Variants in CABP1 observed in about 807,000 individuals in gnomAD.
CABP1 encodes calcium-binding protein 1.
CABP1 carries 17 observed loss-of-function variants against 34.3 expected under a neutral mutation model. The ratio of observed to expected loss-of-function variants is 0.50; its 90% CI spans 0.34 to 0.74. The LOEUF (loss-of-function observed/expected upper bound fraction) is 0.74. CABP1 is among the 30% of genes least tolerant of loss of function. The pLI is 0.01. For synonymous variants in CABP1, 198 were observed against 229.2 expected (o/e 0.86, Z 1.23); for missense variants, 373 against 511.1 (o/e 0.73, Z 2.61).
chr12:120,650,992 T>G (rs892222575), intron 1 of CABP1, among the ~76,000 whole-genome samples: 9 of 152,050 alleles, frequency 5.9e-5, no homozygotes, highest in African/African-American at 2.2e-4. Context: ...TCAGTGAACT[T>G]GACTGGCACC....
rs1456921865 is a variant in CABP1 at position 120,660,647 on chromosome 12, G to A, written c.830-84G>A. 1.1e-6 allele frequency: 1 copy of A among 925,016 alleles called. No individual in the cohort carries two copies. Among genetic ancestry groups the A allele is most frequent in the Non-Finnish European group, 1.8e-6 (1 of 558,670 alleles). 57.3% of individuals were successfully genotyped at this position (925,016 alleles called of 1,614,324 possible). ...CTCTATCTGATGAGCAGGTCAAGGA[G>A]GGGTTGTCCATTCTGTCAGTTGTCT... is the stretch of plus-strand genomic sequence containing the variant. On this transcript the variant is annotated intron_variant, in intron 3 of 5. Coordinates refer to ENST00000316803, the MANE Select transcript of CABP1 (RefSeq NM_001033677.2). This position sits in a 1 kb window ranked among gnomAD's most constrained non-coding sequence, Gnocchi z 5.0.
At chr12:120,653,696 G>C (rs1014611487) in intron 1 of CABP1, among the ~76,000 whole-genome samples, 5 of 152,126 alleles carry the variant, frequency 3.3e-5, no homozygotes, top group African/African-American at 1.2e-4. Flanking sequence ...ACCACACGCG[G>C]CTAATTTTTG....
At chr12:120,669,519 G>A (rs1881177860), downstream of CABP1, among the ~76,000 whole-genome samples, 4 of 152,304 alleles carry the variant, frequency 2.6e-5, no homozygotes, top group South Asian at 8.3e-4. Flanking sequence ...GGACTTCTTT[G>A]TCCCCAGTGT....
At chr12:120,674,652 G>T in the CABP1 span, among the ~76,000 whole-genome samples, 1 of 152,158 alleles carries the variant, frequency 6.6e-6, no homozygotes, top group Admixed American at 6.5e-5. Flanking sequence ...ACTTTGGGAG[G>T]CCAAGGCGGG....
At chr12:120,680,596 G>A in the CABP1 span, among the ~76,000 whole-genome samples, 1 of 152,174 alleles carries the variant, frequency 6.6e-6, no homozygotes, top group East Asian at 1.9e-4. Flanking sequence ...ATTCCTCATT[G>A]TCTACAGAGA....
chr12:120,647,080 A>T lies in CABP1; in HGVS notation c.654+5741A>T, dbSNP rs554173352. Among the ~76,000 whole-genome samples, 6 of 152,326 alleles carry T rather than the reference A, an allele frequency of 3.9e-5. No individual in the cohort carries two copies. In the South Asian group the frequency reaches 1.2e-3, roughly 32 times the overall value. On this transcript the variant is annotated intron_variant, in intron 1 of 5. Transcript: ENST00000316803. Reference sequence around the variant, plus strand: ...ACGACAGAGGCATATCCCAAGGTCGACAAGTGGGTGCTATGCCCGGACTGG... The same window carrying T: ...ACGACAGAGGCATATCCCAAGGTCGTCAAGTGGGTGCTATGCCCGGACTGG...
chr12:120,675,790 T>C, the CABP1 span, among the ~76,000 whole-genome samples: 1 of 152,162 alleles, frequency 6.6e-6, no homozygotes, highest in African/African-American at 2.4e-5. Context: ...TGATTTATTG[T>C]ATCAGGCAGG....
intron 1 of CABP1, among the ~76,000 whole-genome samples, chr12:120,645,339 T>A (rs1879499228): frequency 6.6e-6 from 1 of 151,880 alleles, no homozygotes; most frequent in Non-Finnish European, 1.5e-5. Context: ...GTGATAGGAG[T>A]GGCTTGGAGT....
At chr12:120,677,090 T>TG in the CABP1 span, among the ~76,000 whole-genome samples, 1 of 150,746 alleles carries the variant, frequency 6.6e-6, no homozygotes, top group Non-Finnish European at 1.5e-5. Context: ...TGTGGTTTTT[T>TG]TTTTTTTTTT....
downstream of CABP1, among the ~76,000 whole-genome samples, chr12:120,669,142 T>C (rs534960336): frequency 1.6e-4 from 25 of 152,308 alleles, no homozygotes; most frequent in East Asian, 4.8e-3. Flanking sequence ...CGCTGCCCGC[T>C]GTGCTGCCGC....
intron 5 of CABP1, among the ~76,000 whole-genome samples, 195 bp from the exon 6 acceptor site, chr12:120,666,680 G>A (rs1237477454): frequency 1.3e-5 from 2 of 152,104 alleles, no homozygotes; most frequent in East Asian, 1.9e-4. Flanking sequence ...GAGAGCTGTG[G>A]GAGGTTTACG....
rs143269974 is a variant in CABP1, at chr12:120,664,799, C to T, written c.1088-2076C>T. Among the ~76,000 whole-genome samples the T allele has an allele frequency of 3.3e-3, 496 of 151,570 alleles. 1 individual carries two copies. Among genetic ancestry groups the T allele is most frequent in the Middle Eastern group, 6.8e-3 (2 of 292 alleles). On this transcript the variant is annotated intron_variant, in intron 5 of 5. Transcript: ENST00000316803. ...GCTGAGACACAGAATCGCTTGAACC[C>T]GGGAGGCGGAGGTTGTAGTGAGCTG...
chr12:120,655,980 C>T, intron 1 of CABP1: 2 of 1,560,776 alleles, frequency 1.3e-6, no homozygotes, highest in Non-Finnish European at 1.7e-6. Flanking sequence ...GAACCCCGCT[C>T]CTTGACTCTC....
chr12:120,672,334 A>G, the CABP1 span, among the ~76,000 whole-genome samples: 1 of 152,170 alleles, frequency 6.6e-6, no homozygotes, highest in Admixed American at 6.6e-5. Context: ...GCAAATTACA[A>G]GAAAAAGAAA....
chr12:120,672,493 G>A, the CABP1 span, among the ~76,000 whole-genome samples: 1 of 151,314 alleles, frequency 6.6e-6, no homozygotes, highest in African/African-American at 2.4e-5. Flanking sequence ...TTAGCCAGGC[G>A]TGGTAGCACA....
At chr12:120,677,181 G>T in the CABP1 span, among the ~76,000 whole-genome samples, 5 of 147,378 alleles carry the variant, frequency 3.4e-5, no homozygotes, top group Non-Finnish European at 7.5e-5. Context: ...TCCGCCTCCC[G>T]GGCTCAAGCG....
chr12:120,660,092 C>T lies in CABP1; in HGVS notation c.686-104C>T. On this transcript the variant is annotated intron_variant, in intron 2 of 5. Transcript: ENST00000316803. The surrounding 1 kb of genome is among the most constrained non-coding windows in gnomAD (Gnocchi z 5.0). ...AAATGCCCCAGCATCCTGGGAAGCTCCTGGGCCTCTCTTTCCATGCCGGTG... is the reference window on the plus strand; with the variant it reads ...AAATGCCCCAGCATCCTGGGAAGCTTCTGGGCCTCTCTTTCCATGCCGGTG... 3 of 1,468,198 alleles carry T rather than the reference C, an allele frequency of 2.0e-6. No individual in the cohort carries two copies. Among genetic ancestry groups the T allele is most frequent in the Non-Finnish European group, 2.8e-6 (3 of 1,068,770 alleles). The allele number at this position is 1,468,198 out of a possible 1,614,324, so 90.9% of individuals were successfully genotyped here.
intron 5 of CABP1, chr12:120,662,153 TG>T (rs1880689448): frequency 6.6e-6 from 1 of 152,324 alleles, no homozygotes; most frequent in African/African-American, 2.4e-5. Flanking sequence ...TACCCACGCA[TG>T]CATCCATCCA....
At chr12:120,645,687 G>T (rs1026160464) in intron 1 of CABP1, among the ~76,000 whole-genome samples, 4 of 152,120 alleles carry the variant, frequency 2.6e-5, no homozygotes, top group African/African-American at 9.7e-5. Flanking sequence ...AAATTAGCTG[G>T]GTGTGGTGGT....
Sources: allele counts gnomAD v4.1 joint callset (sites outside exome capture counted in the v4.1 genomes callset), GRCh38; gene constraint gnomAD v4.1.1; non-coding constraint Gnocchi (gnomAD v3.1); transcripts MANE v1.5; gene names NCBI Gene and HGNC (gene_info 2026-07-23, HGNC 2026-07-21).